The following PPFIA2 variants were observed in gnomAD, a reference collection of about 807,000 sequenced individuals.
PPFIA2 encodes PPFI scaffold protein A2, also known as liprin-alpha-2.
A neutral mutation model predicts 175.5 loss-of-function variants in PPFIA2; 46 were observed. The observed-to-expected ratio is 0.26, with a 90% CI of 0.21 to 0.34. The LOEUF (loss-of-function observed/expected upper bound fraction) is 0.34. Among genes scored for constraint, PPFIA2 ranks in the 10% least tolerant of loss-of-function variants. The pLI, the probability that PPFIA2 is intolerant of heterozygous loss-of-function variation, is 1.00. For missense variants in PPFIA2, 1,179 were observed against 1,506.1 expected (o/e 0.78, Z 3.60); for synonymous variants, 568 against 511.4 (o/e 1.11, Z -1.49).
intron 4 of PPFIA2, among the ~76,000 whole-genome samples, chr12:81,493,787 T>TATATATACAC (rs1491517743): frequency 3.1e-5 from 4 of 128,356 alleles, no homozygotes; most frequent in African/African-American, 1.2e-4. Context: ...TATATATATA[T>TATATATACAC]ACACATTGGA....
chr12:81,274,579 C>G (rs1304573452), intron 28 of PPFIA2, among the ~76,000 whole-genome samples: 1 of 149,208 alleles, frequency 6.7e-6, no homozygotes, highest in Admixed American at 6.8e-5. Flanking sequence ...AATGTATGCA[C>G]TGACTTTAAA....
intron 4 of PPFIA2, among the ~76,000 whole-genome samples, chr12:81,470,187 T>C (rs1050619327): frequency 1.3e-5 from 2 of 152,176 alleles, no homozygotes; most frequent in African/African-American, 2.4e-5. Context: ...AAACTATATA[T>C]CTGATAAAGG....
At chr12:81,308,364 A>G (rs138101733) in intron 22 of PPFIA2, among the ~76,000 whole-genome samples, 78 of 152,292 alleles carry the variant, frequency 5.1e-4, no homozygotes, top group Non-Finnish European at 5.7e-4. Context: ...TAATAATCCA[A>G]TAAGATACAT....
At chr12:81,260,749 C>T (rs1184429082) in intron 32 of PPFIA2, 2 of 152,162 alleles carry the variant, frequency 1.3e-5, no homozygotes, top group African/African-American at 4.8e-5. Flanking sequence ...ATGAAAACAG[C>T]ACAAGGTGAG....
chr12:81,272,885 C>T (rs2039501601), intron 28 of PPFIA2, among the ~76,000 whole-genome samples: 1 of 152,140 alleles, frequency 6.6e-6, no homozygotes, highest in Non-Finnish European at 1.5e-5. Flanking sequence ...TTAGGAATCT[C>T]CTTCACTATA....
intron 3 of PPFIA2, among the ~76,000 whole-genome samples, chr12:81,677,860 C>T (rs1774282399): frequency 1.3e-5 from 2 of 151,876 alleles, no homozygotes; most frequent in African/African-American, 4.8e-5. Flanking sequence ...ATAGGGACAA[C>T]TACAACTCAG....
chr12:81,372,634 C>G (rs1304762143), intron 11 of PPFIA2, among the ~76,000 whole-genome samples: 1 of 147,862 alleles, frequency 6.8e-6, no homozygotes, highest in Admixed American at 6.8e-5. Context: ...GAGTGATCCT[C>G]AAATGTTTAA....
chr12:81,744,486 G>A (rs1248931078), intron 3 of PPFIA2, among the ~76,000 whole-genome samples: 2 of 147,056 alleles, frequency 1.4e-5, no homozygotes, highest in African/African-American at 2.5e-5. Context: ...GCAATGGCAC[G>A]ATCTCAGCTC....
intron 7 of PPFIA2, among the ~76,000 whole-genome samples, chr12:81,422,551 G>A (rs1238200754): frequency 6.6e-6 from 1 of 152,082 alleles, no homozygotes; most frequent in Non-Finnish European, 1.5e-5. Context: ...ACAGATGGAA[G>A]GGAGTCAAGG....
intron 4 of PPFIA2, among the ~76,000 whole-genome samples, chr12:81,534,482 A>G (rs1211839303): frequency 6.6e-6 from 1 of 151,670 alleles, no homozygotes; most frequent in African/African-American, 2.4e-5. Context: ...TATCAGGAAA[A>G]AATATTTTGA....
At chr12:81,525,581 T>A (rs551862087) in intron 4 of PPFIA2, among the ~76,000 whole-genome samples, 5 of 152,102 alleles carry the variant, frequency 3.3e-5, no homozygotes, top group Non-Finnish European at 7.4e-5. Flanking sequence ...AGTTGAGGAC[T>A]CAAATCTGGC....
chr12:81,326,999 G>A (rs2054924700), intron 21 of PPFIA2, among the ~76,000 whole-genome samples: 1 of 151,924 alleles, frequency 6.6e-6, no homozygotes, highest in African/African-American at 2.4e-5. Context: ...ACCAAGATAT[G>A]GTTTCTCTTT....
chr12:81,434,699 C>T (rs1190700298), intron 7 of PPFIA2, among the ~76,000 whole-genome samples: 3 of 151,336 alleles, frequency 2.0e-5, no homozygotes, highest in Non-Finnish European at 1.5e-5. Flanking sequence ...AGTGTACTGA[C>T]ATATATGTAT....
chr12:81,271,053 T>C (rs950404345), intron 28 of PPFIA2, among the ~76,000 whole-genome samples: 2 of 152,214 alleles, frequency 1.3e-5, no homozygotes, highest in African/African-American at 2.4e-5. Flanking sequence ...AAGTTTTCTA[T>C]GTTCTTATAT....
At chr12:81,535,948 A>G (rs570458856) in intron 4 of PPFIA2, among the ~76,000 whole-genome samples, 1 of 151,942 alleles carries the variant, frequency 6.6e-6, no homozygotes, top group Non-Finnish European at 1.5e-5. Context: ...GGAAGAAAGC[A>G]TTAGCAAACC....
chr12:81,692,961 CAAT>C (rs1040704124), intron 3 of PPFIA2, among the ~76,000 whole-genome samples: 1 of 151,954 alleles, frequency 6.6e-6, no homozygotes, highest in African/African-American at 2.4e-5. Context: ...GCCTAGTTGA[CAAT>C]AATGTTTAAA....
chr12:81,582,243 G>A (rs2074526426), intron 4 of PPFIA2, among the ~76,000 whole-genome samples: 1 of 151,812 alleles, frequency 6.6e-6, no homozygotes, highest in African/African-American at 2.4e-5. Flanking sequence ...TCAAATCAAA[G>A]AGTCTTGCTT....
At chr12:81,549,964 A>G (rs541939953) in intron 4 of PPFIA2, among the ~76,000 whole-genome samples, 1 of 152,120 alleles carries the variant, frequency 6.6e-6, no homozygotes, top group Admixed American at 6.6e-5. Context: ...AACAAAAACA[A>G]AAAACTAAGA....
intron 7 of PPFIA2, among the ~76,000 whole-genome samples, chr12:81,421,657 T>C (rs2046262845): frequency 6.6e-6 from 1 of 151,904 alleles, no homozygotes; most frequent in African/African-American, 2.4e-5. Context: ...AGAAAGCAAT[T>C]AACAAAAAGA....
Sources: allele counts gnomAD v4.1 joint callset (sites outside exome capture counted in the v4.1 genomes callset), GRCh38; gene constraint gnomAD v4.1.1; transcripts MANE v1.5; gene names NCBI Gene and HGNC (gene_info 2026-07-23, HGNC 2026-07-21).